MECOM: variants seen among roughly 807,000 people sequenced by gnomAD.
The protein encoded by MECOM is MDS1 and EVI1 complex locus.
MECOM carries 13 observed loss-of-function variants against 116.3 expected under a neutral mutation model. The ratio of observed to expected loss-of-function variants is 0.11; its 90% CI spans 0.07 to 0.18. The LOEUF is 0.18. Ranked by LOEUF, MECOM falls within the 10% of genes least tolerant of loss-of-function variation. The pLI is 1.00. For synonymous variants in MECOM, 528 were observed against 535.2 expected (o/e 0.99, Z 0.19); for missense variants, 1,299 against 1,509.0 (o/e 0.86, Z 2.31).
At chr3:169,205,288 A>C (rs1239049128) in intron 2 of MECOM, among the ~76,000 whole-genome samples, 5 of 152,202 alleles carry the variant, frequency 3.3e-5, no homozygotes, top group Non-Finnish European at 7.3e-5. Flanking sequence ...CCTGTTTAAT[A>C]TACTGTATTT....
At chr3:169,317,992 T>C (rs1260509517) in intron 2 of MECOM, among the ~76,000 whole-genome samples, 31 of 152,126 alleles carry the variant, frequency 2.0e-4, no homozygotes, top group Admixed American at 2.0e-3. Context: ...CATCTGATCT[T>C]TGACAAACCT....
chr3:169,508,094 A>G (rs1054821897), intron 1 of MECOM, among the ~76,000 whole-genome samples: 6 of 152,296 alleles, frequency 3.9e-5, no homozygotes, highest in South Asian at 2.1e-4. Flanking sequence ...TGAATATACT[A>G]TGTGCTCAAT....
intron 1 of MECOM, among the ~76,000 whole-genome samples, chr3:169,470,893 A>G (rs1202836855): frequency 6.6e-6 from 1 of 152,140 alleles, no homozygotes; most frequent in Non-Finnish European, 1.5e-5. Flanking sequence ...TTTTTTTATT[A>G]CAATAAGGCA....
intron 10 of MECOM, 26 bp downstream of exon 10, chr3:169,107,900 G>A: frequency 6.2e-7 from 1 of 1,603,682 alleles, no homozygotes; most frequent in Non-Finnish European, 8.5e-7. Context: ...CATCACTTTA[G>A]TCAAAAATAT....
intron 5 of MECOM, among the ~76,000 whole-genome samples, chr3:169,126,847 A>G (rs1372850779): frequency 6.6e-6 from 1 of 152,100 alleles, no homozygotes; most frequent in East Asian, 1.9e-4. Flanking sequence ...AAAGAAGGAA[A>G]GGAAACAAAA....
At chr3:169,507,650 CTTTTTTTTTTTTTTT>C (rs1165167849) in intron 1 of MECOM, among the ~76,000 whole-genome samples, 6 of 57,150 alleles carry the variant, frequency 1.0e-4, no homozygotes, top group Non-Finnish European at 1.6e-4. Context: ...TCCCCACTTG[CTTTTTTTTTTTTTTT>C]TTTTTTTTTT....
intron 2 of MECOM, among the ~76,000 whole-genome samples, chr3:169,301,007 G>T (rs1716608092): frequency 6.6e-6 from 1 of 152,200 alleles, no homozygotes. Context: ...GAATTAACTT[G>T]AAGCAATCTT....
chr3:169,142,147 T>C (rs1738293207), intron 3 of MECOM, among the ~76,000 whole-genome samples: 1 of 151,910 alleles, frequency 6.6e-6, no homozygotes, highest in African/African-American at 2.4e-5. Flanking sequence ...CGAGTACATT[T>C]ATTATAAAAC....
intron 9 of MECOM, among the ~76,000 whole-genome samples, chr3:169,110,610 T>C (rs550136095): frequency 6.6e-6 from 1 of 152,320 alleles, no homozygotes; most frequent in East Asian, 1.9e-4. Context: ...CCTTGGCCTC[T>C]TCCCCAAACA....
intron 1 of MECOM, among the ~76,000 whole-genome samples, chr3:169,453,607 G>A (rs931901496): frequency 6.6e-6 from 1 of 152,160 alleles, no homozygotes; most frequent in Non-Finnish European, 1.5e-5. Context: ...TATATGGAGT[G>A]TCTGGCCTAT....
intron 2 of MECOM, among the ~76,000 whole-genome samples, chr3:169,290,276 C>T (rs1304001727): frequency 2.6e-5 from 4 of 152,036 alleles, no homozygotes; most frequent in African/African-American, 9.7e-5. Context: ...GGGAAAAAAA[C>T]TACAATCAAG....
chr3:169,568,485 C>A (rs1033329058), intron 1 of MECOM, among the ~76,000 whole-genome samples: 4 of 152,156 alleles, frequency 2.6e-5, no homozygotes, highest in Non-Finnish European at 4.4e-5. Context: ...ATTCTCACTG[C>A]CAGCACAGCA....
chr3:169,101,898 T>A (rs1723682709), intron 11 of MECOM, among the ~76,000 whole-genome samples, 162 bp downstream of exon 11: 1 of 152,218 alleles, frequency 6.6e-6, no homozygotes, highest in South Asian at 2.1e-4. Flanking sequence ...AAAAACACTA[T>A]TTTTATATTT....
Position 169,477,093 on chromosome 3 carries a change from GTGTGTGTGTGTGTATA to G in MECOM, c.38-95585_38-95570del, listed in dbSNP as rs1188523095. On this transcript the variant is annotated intron_variant, in intron 1 of 16. Transcript: ENST00000651503. ...CTGGATAAGTAAGATGTGTGTGTGT[GTGTGTGTGTGTGTATA>G]TATATATATATATATATATATATAT... The G allele has an allele frequency of 2.0e-4, 11 of 56,070 alleles. No homozygotes were observed. In the East Asian group the frequency reaches 3.8e-3, roughly 20 times the overall value. 3.5% of individuals were successfully genotyped at this position (56,070 alleles called of 1,614,324 possible). A position where few individuals can be genotyped will look rare whatever the true frequency, so the allele number is the denominator to read the frequency against.
At chr3:169,389,743 T>A (rs1034016633) in intron 1 of MECOM, among the ~76,000 whole-genome samples, 1 of 152,170 alleles carries the variant, frequency 6.6e-6, no homozygotes, top group African/African-American at 2.4e-5. Context: ...CTACAGTAAT[T>A]ATTTGCCAGC....
intron 1 of MECOM, among the ~76,000 whole-genome samples, chr3:169,567,075 C>G (rs764595000): frequency 2.6e-5 from 4 of 152,196 alleles, no homozygotes; most frequent in Non-Finnish European, 5.9e-5. Context: ...ATTTTCAGGT[C>G]CCTTTGGCCA....
chr3:169,526,719 A>C (rs1758006688), intron 1 of MECOM, among the ~76,000 whole-genome samples: 1 of 152,046 alleles, frequency 6.6e-6, no homozygotes, highest in Non-Finnish European at 1.5e-5. Flanking sequence ...CAATGTTTAA[A>C]CTTGTATGAA....
intron 1 of MECOM, among the ~76,000 whole-genome samples, chr3:169,644,215 C>A (rs4955667): frequency 0.3 from 45,578 of 151,708 alleles, 8,088 homozygotes; most frequent in East Asian, 0.54. Flanking sequence ...TTCAGTTCCT[C>A]GCATTTTATT....
chr3:169,302,718 G>T (rs372323342), intron 2 of MECOM, among the ~76,000 whole-genome samples: 26 of 152,108 alleles, frequency 1.7e-4, no homozygotes, highest in African/African-American at 5.5e-4. Context: ...ACAAAAATTA[G>T]CTGGGTGTGG....
Sources: allele counts gnomAD v4.1 joint callset (sites outside exome capture counted in the v4.1 genomes callset), GRCh38; gene constraint gnomAD v4.1.1; transcripts MANE v1.5; gene names NCBI Gene and HGNC (gene_info 2026-07-23, HGNC 2026-07-21).